Variants in KCNMA1 observed in about 807,000 individuals in gnomAD.
KCNMA1 encodes the protein Calcium-activated potassium channel subunit alpha-1.
A neutral mutation model predicts 140.0 loss-of-function variants in KCNMA1; 29 were observed. That is an observed-to-expected ratio of 0.21 (90% CI 0.15 to 0.28). The LOEUF (loss-of-function observed/expected upper bound fraction) is 0.28, where lower values mean the gene tolerates loss of function less well. KCNMA1 is among the 10% of genes least tolerant of loss of function. The pLI is 1.00. For missense variants in KCNMA1, 880 were observed against 1,602.2 expected, an observed-to-expected ratio of 0.55 and a Z score of 7.70; for synonymous variants, 612 against 611.9, an observed-to-expected ratio of 1.00 and a Z score of 0.00.
At chr10:77,385,968 T>C (rs988312954) in intron 2 of KCNMA1, among the ~76,000 whole-genome samples, 2 of 152,150 alleles carry the variant, frequency 1.3e-5, no homozygotes, top group East Asian at 3.9e-4. Context: ...GCCAGGACAA[T>C]GGAAAAAGAA....
At chr10:77,061,763 C>T (rs796672446) in intron 14 of KCNMA1, among the ~76,000 whole-genome samples, 45 of 152,216 alleles carry the variant, frequency 3.0e-4, no homozygotes, top group African/African-American at 1.1e-3. Flanking sequence ...AAATGGTGTC[C>T]AATGGATGAA....
intron 2 of KCNMA1, among the ~76,000 whole-genome samples, chr10:77,371,330 T>C (rs1402611344): frequency 1.3e-5 from 2 of 152,182 alleles, no homozygotes; most frequent in African/African-American, 4.8e-5. Context: ...ACTCCTTTCC[T>C]GTGCCATCTT....
intron 1 of KCNMA1, among the ~76,000 whole-genome samples, chr10:77,584,219 G>A (rs866958004): frequency 5.3e-5 from 8 of 152,110 alleles, no homozygotes; most frequent in African/African-American, 1.4e-4. Flanking sequence ...CACCTTAGAC[G>A]GGGCCTTGGT....
intron 5 of KCNMA1, chr10:77,140,147 G>C (rs1248682306): frequency 6.6e-6 from 1 of 152,296 alleles, no homozygotes; most frequent in Admixed American, 6.5e-5. Context: ...GGTATGCCAA[G>C]AAAACAGGAA....
chr10:76,903,103 G>A (rs3781141), intron 25 of KCNMA1: 12,055 of 152,360 alleles, frequency 0.079, 582 homozygotes, highest in South Asian at 0.15. Flanking sequence ...CTGTAACAGG[G>A]AAACCTGAGC....
chr10:77,466,419 C>T (rs1286505369), intron 1 of KCNMA1, among the ~76,000 whole-genome samples: 2 of 152,216 alleles, frequency 1.3e-5, no homozygotes, highest in Non-Finnish European at 2.9e-5. Context: ...ACGATGCTCA[C>T]TCAGTCTTTC....
chr10:77,520,634 A>G (rs1017026417), intron 1 of KCNMA1, among the ~76,000 whole-genome samples: 2 of 152,118 alleles, frequency 1.3e-5, no homozygotes, highest in East Asian at 3.9e-4. Flanking sequence ...TGTTTCCTCT[A>G]CCATCCATCA....
chr10:76,877,104 A>G (rs749606661), downstream of KCNMA1: 4 of 152,714 alleles, frequency 2.6e-5, no homozygotes, highest in Non-Finnish European at 5.9e-5. Flanking sequence ...CAGAATGAAA[A>G]CTAGAACTAC....
intron 3 of KCNMA1, among the ~76,000 whole-genome samples, chr10:77,213,967 C>T (rs1406674417): frequency 3.9e-5 from 6 of 152,214 alleles, no homozygotes; most frequent in South Asian, 2.1e-4. Flanking sequence ...GTCATCTGCT[C>T]CCTGCCTTGC....
intron 8 of KCNMA1, among the ~76,000 whole-genome samples, chr10:77,109,616 T>C (rs2097272548): frequency 6.6e-6 from 1 of 152,182 alleles, no homozygotes; most frequent in Admixed American, 6.5e-5. Context: ...TGGAGTGAGC[T>C]GTTTGCAAAA....
intron 1 of KCNMA1, among the ~76,000 whole-genome samples, chr10:77,525,777 C>T (rs2055363988): frequency 6.6e-6 from 1 of 152,188 alleles, no homozygotes; most frequent in Admixed American, 6.5e-5. Flanking sequence ...AAGATGTCAC[C>T]CTCCTCCTCG....
At chr10:77,482,603 C>A (rs2098411396) in intron 1 of KCNMA1, among the ~76,000 whole-genome samples, 1 of 152,092 alleles carries the variant, frequency 6.6e-6, no homozygotes, top group Middle Eastern at 3.2e-3. Flanking sequence ...TTTTGCCTGC[C>A]CCTTCCAGCC....
chr10:77,242,397 G>A (rs990538545), intron 3 of KCNMA1, among the ~76,000 whole-genome samples: 1 of 152,110 alleles, frequency 6.6e-6, no homozygotes, highest in Non-Finnish European at 1.5e-5. Flanking sequence ...GCCATAATGA[G>A]AGTCTTCTCT....
chr10:77,146,566 G>A (rs1254877222), intron 5 of KCNMA1, among the ~76,000 whole-genome samples: 1 of 151,916 alleles, frequency 6.6e-6, no homozygotes, highest in Non-Finnish European at 1.5e-5. Context: ...GCCAGGCGTG[G>A]TGGCCTGCAC....
chr10:77,310,275 G>T (rs2078929591), intron 2 of KCNMA1, among the ~76,000 whole-genome samples: 1 of 152,068 alleles, frequency 6.6e-6, no homozygotes, highest in African/African-American at 2.4e-5. Context: ...TGCCCCCTCA[G>T]CTGCCCCTGC....
At chr10:77,253,434 G>A (rs1444806379) in intron 2 of KCNMA1, among the ~76,000 whole-genome samples, 1 of 152,206 alleles carries the variant, frequency 6.6e-6, no homozygotes. Flanking sequence ...TAAGACCCCT[G>A]CAATGGCAAT....
Position 77,605,761 on chromosome 10 carries a change from G to GAT in KCNMA1, c.378+31502_378+31503dup, listed in dbSNP as rs1354974753. Among the ~76,000 whole-genome samples the GAT allele has an allele frequency of 1.2e-4, 18 of 152,336 alleles. No homozygotes were observed. The East Asian group carries it at 2.5e-3, about 21-fold the overall frequency. On this transcript the variant is annotated intron_variant, in intron 1 of 27. Coordinates refer to ENST00000286628, the MANE Select transcript of KCNMA1 (RefSeq NM_001161352.2). Reference sequence around the variant, plus strand: ...GGCCCTGCAGGCCCTCAGGCTGGCTGATACATGGCAATGACAACAGAAATG... The same window carrying GAT: ...GGCCCTGCAGGCCCTCAGGCTGGCTGATATACATGGCAATGACAACAGAAATG...
chr10:77,197,827 G>A (rs1055278468), intron 3 of KCNMA1, among the ~76,000 whole-genome samples: 49 of 152,136 alleles, frequency 3.2e-4, no homozygotes, highest in Admixed American at 2.3e-3. Context: ...GCGGCTCCTG[G>A]GTAAGAGTCG....
At chr10:77,621,413 C>T (rs2091321447) in intron 1 of KCNMA1, among the ~76,000 whole-genome samples, 1 of 152,110 alleles carries the variant, frequency 6.6e-6, no homozygotes, top group Admixed American at 6.5e-5. Context: ...TCATTCCACA[C>T]CAGGTTGCAC....
Sources: gnomAD v4.1 joint callset for allele counts (sites outside exome capture counted in the v4.1 genomes callset) on GRCh38, gnomAD v4.1.1 for gene constraint, MANE v1.5 for transcripts, NCBI Gene and HGNC (gene_info 2026-07-23, HGNC 2026-07-21) for gene names.